NELL1: variants seen among roughly 807,000 people sequenced by gnomAD.
The protein encoded by NELL1 is protein kinase C-binding protein NELL1.
In NELL1, 76 loss-of-function variants were observed where a neutral mutation model predicts 107.4. The ratio of observed to expected loss-of-function variants is 0.71; its 90% confidence interval spans 0.59 to 0.86. The LOEUF is 0.86. Among genes scored for constraint, NELL1 ranks in the 40% least tolerant of loss-of-function variants. The pLI, the probability that NELL1 is intolerant of heterozygous loss-of-function variation, is 0.00. For synonymous variants in NELL1, 353 were observed against 341.2 expected, an observed-to-expected ratio of 1.03 and a Z score of -0.38; for missense variants, 1,024 against 1,005.5, an observed-to-expected ratio of 1.02 and a Z score of -0.25.
chr11:21,412,148 GATTA>G (rs1393258267), intron 15 of NELL1, among the ~76,000 whole-genome samples: 2 of 152,086 alleles, frequency 1.3e-5, no homozygotes, highest in African/African-American at 4.8e-5. Context: ...TTTCAAAACA[GATTA>G]ATTGATGGAA....
chr11:20,815,366 A>G (rs928322761), intron 3 of NELL1, among the ~76,000 whole-genome samples: 4 of 152,126 alleles, frequency 2.6e-5, no homozygotes, highest in African/African-American at 9.7e-5. Context: ...GATTACAAGC[A>G]TAAGCCACCG....
chr11:20,892,866 T>C (rs1849645783), intron 5 of NELL1, among the ~76,000 whole-genome samples: 1 of 149,486 alleles, frequency 6.7e-6, no homozygotes, highest in Non-Finnish European at 1.5e-5. Context: ...GAGGTGGAGG[T>C]TGCAGTGAGC....
chr11:20,794,703 A>C (rs1857137689), intron 3 of NELL1, among the ~76,000 whole-genome samples: 1 of 152,146 alleles, frequency 6.6e-6, no homozygotes, highest in Non-Finnish European at 1.5e-5. Flanking sequence ...GATAATGACG[A>C]TGTTATCTAG....
chr11:21,029,685 G>A (rs1361950659), intron 12 of NELL1, among the ~76,000 whole-genome samples: 3 of 152,022 alleles, frequency 2.0e-5, no homozygotes, highest in Non-Finnish European at 4.4e-5. Flanking sequence ...TTGGATTTGG[G>A]TTCATAGTCC....
At chr11:20,961,961 C>T (rs1484553317) in intron 12 of NELL1, among the ~76,000 whole-genome samples, 1 of 152,014 alleles carries the variant, frequency 6.6e-6, no homozygotes, top group Non-Finnish European at 1.5e-5. Context: ...TGTAGGAACC[C>T]TCTGTTTTTT....
At chr11:21,320,967 G>A (rs748884855) in intron 14 of NELL1, among the ~76,000 whole-genome samples, 32 of 152,314 alleles carry the variant, frequency 2.1e-4, no homozygotes, top group Middle Eastern at 3.4e-3. Flanking sequence ...ATATGCAAAT[G>A]TGTGCCTGGA....
intron 12 of NELL1, among the ~76,000 whole-genome samples, chr11:21,013,869 G>T (rs1852506278): frequency 6.6e-6 from 1 of 152,066 alleles, no homozygotes; most frequent in Non-Finnish European, 1.5e-5. Flanking sequence ...TTCCTTGCCT[G>T]TGACAGTGTC....
chr11:21,063,277 C>T (rs933346391), intron 12 of NELL1, among the ~76,000 whole-genome samples: 1 of 152,130 alleles, frequency 6.6e-6, no homozygotes, highest in Non-Finnish European at 1.5e-5. Flanking sequence ...GCGCATCAAC[C>T]TCCTGGCACA....
At chr11:20,939,767 C>G (rs7939060) in intron 10 of NELL1, among the ~76,000 whole-genome samples, 1 of 151,884 alleles carries the variant, frequency 6.6e-6, no homozygotes, top group Non-Finnish European at 1.5e-5. Context: ...TAGGTGATGA[C>G]GAGATACTGG....
At chr11:21,301,568 C>T (rs1849492799) in intron 14 of NELL1, among the ~76,000 whole-genome samples, 1 of 152,060 alleles carries the variant, frequency 6.6e-6, no homozygotes, top group Admixed American at 6.6e-5. Flanking sequence ...TGTTCATATC[C>T]TTTGCCCACT....
At chr11:21,246,401 G>C (rs1487237992) in intron 14 of NELL1, among the ~76,000 whole-genome samples, 1 of 152,162 alleles carries the variant, frequency 6.6e-6, no homozygotes, top group Non-Finnish European at 1.5e-5. Context: ...CCATGGAATG[G>C]AAAGAGCTGT....
chr11:21,321,247 A>T lies in NELL1; in HGVS notation c.1550-49606A>T, dbSNP rs566219891. Among the ~76,000 whole-genome samples, 128 of 152,174 alleles carry T rather than the reference A, an allele frequency of 8.4e-4. 1 individual carries two copies. The highest frequency in any genetic ancestry group is 1.9e-3 in the Admixed American group (29 of 15,290). On this transcript the variant is annotated intron_variant, in intron 14 of 19. Coordinates refer to ENST00000357134, the MANE Select transcript of NELL1 (RefSeq NM_006157.5). ...TGACAGGTGCTCATTGTGGGCCTTC[A>T]TTTCCTACCCAGCATCAGCAATCCA...
intron 12 of NELL1, among the ~76,000 whole-genome samples, chr11:21,053,227 T>A (rs1408809315): frequency 7.2e-5 from 11 of 152,098 alleles, no homozygotes; most frequent in Admixed American, 7.2e-4. Flanking sequence ...CCCATCAACC[T>A]GTCATCTACA....
intron 14 of NELL1, among the ~76,000 whole-genome samples, chr11:21,358,970 C>G (rs1266393452): frequency 6.6e-6 from 1 of 152,020 alleles, no homozygotes; most frequent in African/African-American, 2.4e-5. Flanking sequence ...CCCTTTATTT[C>G]TTTCTCTTGT....
chr11:21,229,599 C>A, intron 14 of NELL1, 145 bp downstream of exon 14: 3 of 1,132,732 alleles, frequency 2.6e-6, no homozygotes, highest in Admixed American at 2.7e-5. Flanking sequence ...GGGTACTGTG[C>A]GTCAGGGAAA....
At chr11:21,336,668 T>TACACACAC (rs561195381) in intron 14 of NELL1, among the ~76,000 whole-genome samples, 5,456 of 57,222 alleles carry the variant, frequency 0.095, 230 homozygotes, top group East Asian at 0.34. Flanking sequence ...TATATATATA[T>TACACACAC]ATATATACAC....
intron 11 of NELL1, among the ~76,000 whole-genome samples, chr11:20,948,630 TC>T (rs975381205): frequency 2.6e-5 from 4 of 151,564 alleles, no homozygotes; most frequent in African/African-American, 7.3e-5. Context: ...TCATATTCCC[TC>T]CCCCTTTCCC....
In NELL1 at chr11:20,947,465, G is replaced by A. The variant is rs375838733; in HGVS notation, c.1171+30G>A. 1.4e-5 allele frequency: 22 copies of A among 1,531,510 alleles called. No individual in the cohort carries two copies. The African/African-American group carries it at 2.9e-4, about 20-fold the overall frequency. The allele number at this position is 1,531,510 out of a possible 1,614,324, so 94.9% of individuals were successfully genotyped here. A position where few individuals can be genotyped will look rare whatever the true frequency, so the allele number is the denominator to read the frequency against. ...GTGGGCTTGGTGGTGGGCCATGCGT[G>A]GGGTGAGGCTGGGGCTGGTCTTCTG... On this transcript the variant is annotated intron_variant, in intron 11 of 19. Transcript: ENST00000357134.
chr11:21,205,296 CAG>C (rs950484495), intron 13 of NELL1, among the ~76,000 whole-genome samples: 2 of 152,112 alleles, frequency 1.3e-5, no homozygotes, highest in African/African-American at 4.8e-5. Context: ...GCCTTTTTTT[CAG>C]AGATGCCCTG....
Sources: allele counts gnomAD v4.1 joint callset (sites outside exome capture counted in the v4.1 genomes callset), GRCh38; gene constraint gnomAD v4.1.1; transcripts MANE v1.5; gene names NCBI Gene and HGNC (gene_info 2026-07-23, HGNC 2026-07-21).